LOX: variants seen among roughly 807,000 people sequenced by gnomAD.
LOX encodes the protein protein-lysine 6-oxidase.
In LOX, 12 loss-of-function variants were observed where a neutral mutation model predicts 50.5. That is an observed-to-expected ratio of 0.24 (90% CI 0.15 to 0.38). The LOEUF is 0.38. LOX is among the 10% of genes least tolerant of loss of function. The pLI, the probability that LOX is intolerant of heterozygous loss-of-function variation, is 1.00. For synonymous variants in LOX, 254 were observed against 230.6 expected (o/e 1.10, Z -0.92); for missense variants, 504 against 563.8 (o/e 0.89, Z 1.07).
Position 122,077,053 on chromosome 5 carries a change from G to T in LOX, c.632-52C>A, listed in dbSNP as rs768512773. On this transcript the variant is annotated intron_variant, in intron 1 of 6. Coordinates refer to ENST00000231004, the MANE Select transcript of LOX (RefSeq NM_002317.7). The surrounding 1 kb of genome is among the most constrained non-coding windows in gnomAD (Gnocchi z 4.9). Reference sequence around the variant, plus strand: ...GCAGTGAAACAACCCGGCGCCCCCCGCTCCAACTCCCTACCCCTCTAGGTC... The same window carrying T: ...GCAGTGAAACAACCCGGCGCCCCCCTCTCCAACTCCCTACCCCTCTAGGTC... 6.2e-7 allele frequency: 1 copy of T among 1,600,966 alleles called. No homozygotes were observed.
Position 122,076,877 on chromosome 5 carries a change from A to T in LOX, c.740+16T>A. On this transcript the variant is annotated intron_variant, in intron 2 of 6. Transcript: ENST00000231004. ...GGTAGACCGGGGAGCGGGGCCTCAG[A>T]CATATCAGCCCGTACCTGGCCAGAC... The T allele has an allele frequency of 6.2e-7, 1 of 1,612,018 alleles. No individual in the cohort carries two copies. Among genetic ancestry groups the T allele is most frequent in the Non-Finnish European group, 8.5e-7 (1 of 1,178,276 alleles).
chr5:122,073,710 A>G (rs1053415622), intron 4 of LOX, among the ~76,000 whole-genome samples: 4 of 152,324 alleles, frequency 2.6e-5, no homozygotes, highest in African/African-American at 9.6e-5. Flanking sequence ...TAGGGGCCAC[A>G]TGCATAACTG....
rs955327904 is a variant in LOX at position 122,064,053 on chromosome 5, G to A, written c.*2690C>T. The A allele has an allele frequency of 6.6e-6, 1 of 151,788 alleles. No homozygotes were observed. The highest frequency in any genetic ancestry group is 2.4e-5 in the African/African-American group (1 of 41,380). The allele number at this position is 151,788 out of a possible 1,614,324, so 9.4% of individuals were successfully genotyped here. A position where few individuals can be genotyped will look rare whatever the true frequency, so the allele number is the denominator to read the frequency against. On this transcript the variant is annotated 3_prime_UTR_variant, in exon 7 of 7. Coordinates refer to ENST00000231004, the MANE Select transcript of LOX (RefSeq NM_002317.7). ...CTGTGGTCTGAATCATCATGAGATCGCTAATATGGCATATTGTAAACTGAC... is the reference window on the plus strand; with the variant it reads ...CTGTGGTCTGAATCATCATGAGATCACTAATATGGCATATTGTAAACTGAC...
At chr5:122,067,832 G>A (rs937543281) in intron 6 of LOX, among the ~76,000 whole-genome samples, 3 of 151,856 alleles carry the variant, frequency 2.0e-5, no homozygotes, top group Non-Finnish European at 2.9e-5. Context: ...AATGCTCCCC[G>A]GTGCATTCCC....
intron 6 of LOX, among the ~76,000 whole-genome samples, chr5:122,068,511 C>G (rs1228394521): frequency 6.6e-6 from 1 of 152,072 alleles, no homozygotes; most frequent in Non-Finnish European, 1.5e-5. Flanking sequence ...CTCTCACTTC[C>G]CCTACTCAAA....
chr5:122,071,693 TC>T (rs1463399831), intron 4 of LOX, among the ~76,000 whole-genome samples: 1 of 152,190 alleles, frequency 6.6e-6, no homozygotes, highest in Non-Finnish European at 1.5e-5. Context: ...TAATTTAAAT[TC>T]AAAGTACATG....
chr5:122,075,442 G>C lies in LOX; in HGVS notation c.840C>G (p.Ser280Arg), dbSNP rs370861938. The part of the protein sequence containing the change: ...KNQGTSDFLP[S>R]RPRYSWEWHS... ...GCCATTCCCAGGAATATCTTGGTCGGCTGGGTAAGAAATCTGATGTCCCTT... is the reference window on the plus strand; with the variant it reads ...GCCATTCCCAGGAATATCTTGGTCGCCTGGGTAAGAAATCTGATGTCCCTT... The change falls in exon 3 of 7, where the codon AGC (serine) becomes AGG (arginine). Residue 280 changes from serine to arginine, a missense_variant. Around this residue, in one of 2 missense-constraint regions of LOX, gnomAD observed 106 missense variants for 198.1 expected, o/e 0.54. Transcript: ENST00000231004. 6.2e-7 allele frequency: 1 copy of C among 1,613,512 alleles called. No individual in the cohort carries two copies. The highest frequency in any genetic ancestry group is 8.5e-7 in the Non-Finnish European group (1 of 1,179,768).
Position 122,077,968 on chromosome 5 carries a change from G to T in LOX, c.18C>A (p.Thr6=), listed in dbSNP as rs570529743. 97 of 1,464,576 alleles carry T rather than the reference G, an allele frequency of 6.6e-5. 1 individual carries two copies. The highest frequency in any genetic ancestry group is 2.0e-4 in the Admixed American group (7 of 35,892). 90.7% of individuals were successfully genotyped at this position (1,464,576 alleles called of 1,614,324 possible). MRFAW[T]VLLLGPLQLC... ...GCTGCAAAGGCCCGAGCAGGAGCAC[G>T]GTCCAGGCGAAGCGCATCACTCCTT... The change falls in exon 1 of 7, where the codon ACC becomes ACA. Residue 6 remains threonine (T), a synonymous_variant. Coordinates refer to ENST00000231004, the MANE Select transcript of LOX (RefSeq NM_002317.7). This position sits in a 1 kb window ranked among gnomAD's most constrained non-coding sequence, Gnocchi z 4.9.
rs762716345 is a variant in LOX at position 122,070,349 on chromosome 5, CAGATT to C, written c.1131+140_1131+144del. On this transcript the variant is annotated intron_variant, in intron 5 of 6. Transcript: ENST00000231004. ...TCCCCTGAAGTTCTTTAAAATAAGA[CAGATT>C]AGATTAGATTAGATTGTTTATAAAT... 11 of 649,424 alleles carry C rather than the reference CAGATT, an allele frequency of 1.7e-5. No homozygotes were observed. The East Asian group carries it at 1.9e-4, about 11-fold the overall frequency. 40.2% of individuals were successfully genotyped at this position (649,424 alleles called of 1,614,324 possible).
rs1305869804 is a variant in LOX, at chr5:122,074,020, T to A, written c.1028A>T (p.His343Leu). Residue 343 changes from histidine to leucine, a missense_variant, in exon 4 of 7, where the codon CAC (histidine) becomes CTC (leucine). Around this residue, in one of 2 missense-constraint regions of LOX, gnomAD observed 106 missense variants for 198.1 expected, o/e 0.54. Transcript: ENST00000231004. ...GYHRRFACTA[H>L]TQGLSPGCYD... Reference sequence around the variant, plus strand: ...TTCAGGGTGCCAACATACCTGTGTGTGTGCAGTACATGCAAATCGCCTGTG... The same window carrying A: ...TTCAGGGTGCCAACATACCTGTGTGAGTGCAGTACATGCAAATCGCCTGTG... 6.2e-7 allele frequency: 1 copy of A among 1,613,472 alleles called. No individual in the cohort carries two copies. The highest frequency in any genetic ancestry group is 1.3e-5 in the African/African-American group (1 of 74,932).
rs564583747 is a variant in LOX at position 122,077,308 on chromosome 5, T to C, written c.631+47A>G. 8.1e-6 allele frequency: 13 copies of C among 1,611,692 alleles called. No individual in the cohort carries two copies. The East Asian group carries it at 2.9e-4, about 36-fold the overall frequency. On this transcript the variant is annotated intron_variant, in intron 1 of 6. Transcript: ENST00000231004. The surrounding 1 kb of genome is among the most constrained non-coding windows in gnomAD (Gnocchi z 4.9). ...CAGCCACGTCGAGAAGCCACATAGCTGGGGACCAGGTGCACGGGTGCTTCC... is the reference window on the plus strand; with the variant it reads ...CAGCCACGTCGAGAAGCCACATAGCCGGGGACCAGGTGCACGGGTGCTTCC...
In LOX at chr5:122,066,764, C is replaced by T. The variant is rs966311122; in HGVS notation, c.1248-15G>A. 9 of 1,528,672 alleles carry T rather than the reference C, an allele frequency of 5.9e-6. No homozygotes were observed. The highest frequency in any genetic ancestry group is 8.2e-6 in the Non-Finnish European group (9 of 1,103,702). The allele number at this position is 1,528,672 out of a possible 1,614,324, so 94.7% of individuals were successfully genotyped here. A position where few individuals can be genotyped will look rare whatever the true frequency, so the allele number is the denominator to read the frequency against. On this transcript the variant is annotated splice_polypyrimidine_tract_variant and intron_variant, in intron 6 of 6. Transcript: ENST00000231004. Reference sequence around the variant, plus strand: ...CCTTCTAATACCTAGATTAAGAAGACAAAATAAGACAAATTATTAACCTGA... The same window carrying T: ...CCTTCTAATACCTAGATTAAGAAGATAAAATAAGACAAATTATTAACCTGA...
In LOX at chr5:122,064,331, A is replaced by G. The variant is rs1214277734; in HGVS notation, c.*2412T>C. On this transcript the variant is annotated 3_prime_UTR_variant, in exon 7 of 7. Coordinates refer to ENST00000231004, the MANE Select transcript of LOX (RefSeq NM_002317.7). ...AGTTCAAAATAGTTCAAAGAAGTTCAGTAATACAGAGTGTTAAATCAGTAC... is the reference window on the plus strand; with the variant it reads ...AGTTCAAAATAGTTCAAAGAAGTTCGGTAATACAGAGTGTTAAATCAGTAC... The G allele has an allele frequency of 6.6e-6, 1 of 151,968 alleles. No individual in the cohort carries two copies. The highest frequency in any genetic ancestry group is 2.4e-5 in the African/African-American group (1 of 41,428). 9.4% of individuals were successfully genotyped at this position (151,968 alleles called of 1,614,324 possible). A position where few individuals can be genotyped will look rare whatever the true frequency, so the allele number is the denominator to read the frequency against.
rs200888318 is a variant in LOX at position 122,077,848 on chromosome 5, G to A, written c.138C>T (p.Ile46=). 2.3e-5 allele frequency: 36 copies of A among 1,547,800 alleles called. No homozygotes were observed. Among genetic ancestry groups the A allele is most frequent in the Non-Finnish European group, 2.9e-5 (33 of 1,151,798 alleles). The change falls in exon 1 of 7, where the codon ATC becomes ATT. Residue 46 remains isoleucine, a synonymous_variant. Coordinates refer to ENST00000231004, the MANE Select transcript of LOX (RefSeq NM_002317.7). This position sits in a 1 kb window ranked among gnomAD's most constrained non-coding sequence, Gnocchi z 4.9. ...PAAPGAWRQQ[I]QWENNGQVFS... The stretch of plus-strand genomic sequence containing the variant: ...ACACCTGCCCGTTGTTCTCCCATTG[G>A]ATCTGCTGGCGCCAGGCGCCCGGAG...
intron 3 of LOX, 136 bp from the exon 4 acceptor site, chr5:122,074,305 G>C (rs1754550206): frequency 1.4e-6 from 1 of 690,160 alleles, no homozygotes; most frequent in Non-Finnish European, 2.4e-6. Context: ...TTCTAAAAGA[G>C]AGATTCATGC....
chr5:122,074,231 T>C (rs1754548407), intron 3 of LOX, 62 bp from the exon 4 acceptor site: 2 of 1,397,574 alleles, frequency 1.4e-6, no homozygotes, highest in African/African-American at 1.4e-5. Context: ...AATGAAGATA[T>C]TAAATGACTT....
Position 122,078,027 on chromosome 5 carries a change from C to G in LOX, c.-42G>C. 7.0e-7 allele frequency: 1 copy of G among 1,430,496 alleles called. No homozygotes were observed. The highest frequency in any genetic ancestry group is 9.1e-7 in the Non-Finnish European group (1 of 1,093,982). 88.6% of individuals were successfully genotyped at this position (1,430,496 alleles called of 1,614,324 possible). On this transcript the variant is annotated 5_prime_UTR_variant, in exon 1 of 7. Coordinates refer to ENST00000231004, the MANE Select transcript of LOX (RefSeq NM_002317.7). Reference sequence around the variant, plus strand: ...TTGACCCCGCTCGAGGAGGACGTGGCTCACAGAAAATAAAAACGGGGCTCA... The same window carrying G: ...TTGACCCCGCTCGAGGAGGACGTGGGTCACAGAAAATAAAAACGGGGCTCA...
At position 122,065,446 on chromosome 5, in the gene LOX, C is replaced by T. The variant is rs1318197666; in HGVS notation, c.*1297G>A. ...CTTGAATTTAGGTAAAAGCAAAATT[C>T]TCAAAATTCTATTATGGCACATGGT... On this transcript the variant is annotated 3_prime_UTR_variant, in exon 7 of 7. Transcript: ENST00000231004. The T allele has an allele frequency of 6.6e-6, 1 of 152,034 alleles. No individual in the cohort carries two copies. Among genetic ancestry groups the T allele is most frequent in the Non-Finnish European group, 1.5e-5 (1 of 67,982 alleles). 9.4% of individuals were successfully genotyped at this position (152,034 alleles called of 1,614,324 possible).
At chr5:122,070,429 A>C in intron 5 of LOX, 65 bp downstream of exon 5, 1 of 854,338 alleles carries the variant, frequency 1.2e-6, no homozygotes, top group Non-Finnish European at 1.9e-6. Context: ...TTAACATTTG[A>C]ATCCAGAGAA....
Sources: gnomAD v4.1 joint callset for allele counts (sites outside exome capture counted in the v4.1 genomes callset) on GRCh38, gnomAD v4.1.1 for gene constraint, gnomAD v4.1.1 regional missense constraint, Gnocchi (gnomAD v3.1) non-coding constraint, MANE v1.5 for transcripts, NCBI Gene and HGNC (gene_info 2026-07-23, HGNC 2026-07-21) for gene names.